Variants in ADAM23 observed in about 807,000 individuals in gnomAD.
The protein encoded by ADAM23 is ADAM metallopeptidase domain 23.
In ADAM23, 33 loss-of-function variants were observed where a neutral mutation model predicts 120.1. The ratio of observed to expected loss-of-function variants is 0.27; its 90% confidence interval spans 0.21 to 0.37. The LOEUF is 0.37. Among genes scored for constraint, ADAM23 ranks in the 10% least tolerant of loss-of-function variants. The pLI, the probability that ADAM23 is intolerant of heterozygous loss-of-function variation, is 1.00. For synonymous variants in ADAM23, 367 were observed against 375.2 expected (o/e 0.98, Z 0.25); for missense variants, 862 against 1,058.2 (o/e 0.81, Z 2.57).
At chr2:206,454,285 AAG>A (rs374649084) in intron 2 of ADAM23, among the ~76,000 whole-genome samples, 38 of 151,382 alleles carry the variant, frequency 2.5e-4, no homozygotes, top group Admixed American at 4.6e-4. Context: ...CATAGCAGGA[AAG>A]AGAGAGAGAG....
intron 18 of ADAM23, among the ~76,000 whole-genome samples, chr2:206,577,988 T>C (rs1343947885): frequency 6.6e-6 from 1 of 152,130 alleles, no homozygotes; most frequent in East Asian, 1.9e-4. Flanking sequence ...CATTGTGGTT[T>C]TGATTTGCAT....
intron 4 of ADAM23, among the ~76,000 whole-genome samples, chr2:206,534,701 A>G (rs1381930604): frequency 6.6e-6 from 1 of 152,228 alleles, no homozygotes; most frequent in East Asian, 1.9e-4. Context: ...GCTAATACAT[A>G]TTTGTAAGTG....
intron 24 of ADAM23, among the ~76,000 whole-genome samples, chr2:206,609,066 G>T (rs1398381061): frequency 6.6e-6 from 1 of 152,154 alleles, no homozygotes; most frequent in Non-Finnish European, 1.5e-5. Flanking sequence ...AGGAGTGAGC[G>T]AGTGGACAGG....
chr2:206,532,515 TTC>T (rs774866455), intron 4 of ADAM23, among the ~76,000 whole-genome samples: 1 of 152,148 alleles, frequency 6.6e-6, no homozygotes, highest in African/African-American at 2.4e-5. Context: ...TTCACTGCTT[TTC>T]TCTCTTTCAT....
rs13430988 is a variant in ADAM23, at chr2:206,449,264, C to T, written c.432+3740C>T. The stretch of plus-strand genomic sequence containing the variant: ...CTTTGTTATCAAGATCGATCGTTTT[C>T]ACTTGTGGAGACTTTTATGGGCGTA... On this transcript the variant is annotated intron_variant, in intron 2 of 25. Coordinates refer to ENST00000264377, the MANE Select transcript of ADAM23 (RefSeq NM_003812.4). Among the ~76,000 whole-genome samples, 499 of 152,232 alleles carry T rather than the reference C, an allele frequency of 3.3e-3. 3 individuals carry two copies. The highest frequency in any genetic ancestry group is 0.011 in the African/African-American group (476 of 41,538).
intron 18 of ADAM23, among the ~76,000 whole-genome samples, chr2:206,586,486 G>C (rs962784622): frequency 6.6e-6 from 1 of 152,138 alleles, no homozygotes; most frequent in Non-Finnish European, 1.5e-5. Context: ...AATAGAAGAT[G>C]ACTATGGCCT....
At chr2:206,456,524 T>C (rs144593607) in intron 2 of ADAM23, among the ~76,000 whole-genome samples, 437 of 152,252 alleles carry the variant, frequency 2.9e-3, no homozygotes, top group South Asian at 0.011. Flanking sequence ...CCCTCAACAC[T>C]GGAGATTACA....
intron 24 of ADAM23, among the ~76,000 whole-genome samples, chr2:206,603,319 A>G (rs1423375724): frequency 1.3e-5 from 2 of 152,242 alleles, no homozygotes; most frequent in Non-Finnish European, 2.9e-5. Flanking sequence ...AAGGTGATGC[A>G]CAAGTTCCTA....
intron 2 of ADAM23, among the ~76,000 whole-genome samples, chr2:206,479,086 TGCAAAA>T (rs1478840129): frequency 6.6e-6 from 1 of 152,228 alleles, no homozygotes; most frequent in Non-Finnish European, 1.5e-5. Context: ...AATGATTGAA[TGCAAAA>T]GCAAAAGGAA....
At chr2:206,595,971 C>A in intron 23 of ADAM23, 80 bp from the exon 24 acceptor site, 1 of 1,093,630 alleles carries the variant, frequency 9.1e-7, no homozygotes, top group South Asian at 1.5e-5. Flanking sequence ...TCCTCCCTGC[C>A]CCCGTGTCTC....
At position 206,470,967 on chromosome 2, in the gene ADAM23, T is replaced by C. The variant is rs188009399; in HGVS notation, c.433-10265T>C. ...ACAGCTGTATATTTAACATGAACTT[T>C]GAGCAGTCTCATAAGCAGAGCCTGA... On this transcript the variant is annotated intron_variant, in intron 2 of 25. Transcript: ENST00000264377. Among the ~76,000 whole-genome samples the C allele has an allele frequency of 1.8e-4, 27 of 152,320 alleles. No homozygotes were observed. The East Asian group carries it at 5.0e-3, about 28-fold the overall frequency.
chr2:206,490,970 T>G (rs1696120855), intron 3 of ADAM23, among the ~76,000 whole-genome samples: 2 of 152,272 alleles, frequency 1.3e-5, no homozygotes, highest in Admixed American at 6.5e-5. Flanking sequence ...TTACTTAGGG[T>G]GTCTATGCAA....
At chr2:206,502,797 C>A (rs2059304) in intron 3 of ADAM23, among the ~76,000 whole-genome samples, 99,635 of 151,990 alleles carry the variant, frequency 0.66, 33,224 homozygotes, top group African/African-American at 0.74. Flanking sequence ...ATTTTATTTA[C>A]TAAAAATAGT....
chr2:206,573,825 T>C (rs1055369530), intron 18 of ADAM23, among the ~76,000 whole-genome samples: 1 of 152,052 alleles, frequency 6.6e-6, no homozygotes, highest in African/African-American at 2.4e-5. Flanking sequence ...CTTTTTTTTT[T>C]TTTAAGAAAC....
chr2:206,541,985 A>G lies in ADAM23; in HGVS notation c.574-67A>G, dbSNP rs568263812. ...CCATCCTTGCATTTCTTTTTGCTTT[A>G]TGGAAGCACCCAAAGAATTAATCAT... On this transcript the variant is annotated intron_variant, in intron 4 of 25. Transcript: ENST00000264377. 6 of 1,520,698 alleles carry G rather than the reference A, an allele frequency of 3.9e-6. No homozygotes were observed. The East Asian group carries it at 1.1e-4, about 29-fold the overall frequency. 94.2% of individuals were successfully genotyped at this position (1,520,698 alleles called of 1,614,324 possible). A position where few individuals can be genotyped will look rare whatever the true frequency, so the allele number is the denominator to read the frequency against.
rs976738782 is a variant in ADAM23 at position 206,571,646 on chromosome 2, A to G, written c.1567-81A>G. The G allele has an allele frequency of 9.1e-5, 85 of 932,112 alleles. 1 individual carries two copies. In the Admixed American group the frequency reaches 1.5e-3, roughly 17 times the overall value. 57.7% of individuals were successfully genotyped at this position (932,112 alleles called of 1,614,324 possible). The stretch of plus-strand genomic sequence containing the variant: ...TGTTGTATAAATGTTCTCATTTGGA[A>G]TATGCATGCCACGTGTGGAGAGAAT... On this transcript the variant is annotated intron_variant, in intron 16 of 25. Coordinates refer to ENST00000264377, the MANE Select transcript of ADAM23 (RefSeq NM_003812.4).
chr2:206,505,457 C>G (rs1013930255), intron 3 of ADAM23, among the ~76,000 whole-genome samples: 3 of 152,116 alleles, frequency 2.0e-5, no homozygotes, highest in Non-Finnish European at 4.4e-5. Context: ...GTTTAACTGG[C>G]TCTTGGTGTT....
chr2:206,594,337 G>T (rs1040759782), intron 22 of ADAM23, among the ~76,000 whole-genome samples: 3 of 152,022 alleles, frequency 2.0e-5, no homozygotes, highest in African/African-American at 7.3e-5. Context: ...TTTTTCATTT[G>T]CTGTTTTTGT....
intron 4 of ADAM23, among the ~76,000 whole-genome samples, chr2:206,535,997 A>G (rs1300718439): frequency 2.6e-5 from 4 of 152,212 alleles, no homozygotes; most frequent in Non-Finnish European, 4.4e-5. Flanking sequence ...AACAACAACA[A>G]TAAAAAACCC....
Sources: gnomAD v4.1 joint callset for allele counts (sites outside exome capture counted in the v4.1 genomes callset) on GRCh38, gnomAD v4.1.1 for gene constraint, MANE v1.5 for transcripts, NCBI Gene and HGNC (gene_info 2026-07-23, HGNC 2026-07-21) for gene names.